ADGRL3: variants seen among roughly 807,000 people sequenced by gnomAD.
ADGRL3 encodes the protein calcium-independent alpha-latrotoxin receptor 3.
Under a neutral mutation model 153.5 loss-of-function variants are expected in ADGRL3, and 62 were observed. The ratio of observed to expected loss-of-function variants is 0.40; its 90% CI spans 0.33 to 0.50. ADGRL3 has a LOEUF of 0.50. Among genes scored for constraint, ADGRL3 ranks in the 20% least tolerant of loss-of-function variants. The pLI is 0.47. For missense variants in ADGRL3, 1,641 were observed against 1,859.4 expected (o/e 0.88, Z 2.16); for synonymous variants, 710 against 672.5 (o/e 1.06, Z -0.86).
chr4:62,062,610 G>T (rs1306216457), intron 25 of ADGRL3, among the ~76,000 whole-genome samples: 3 of 151,878 alleles, frequency 2.0e-5, no homozygotes, highest in African/African-American at 7.3e-5. Flanking sequence ...CTTCTCCTCT[G>T]ATCTTTGCTT....
intron 1 of ADGRL3, among the ~76,000 whole-genome samples, chr4:61,219,566 ATAG>A (rs1378454315): frequency 6.6e-6 from 1 of 152,218 alleles, no homozygotes; most frequent in Non-Finnish European, 1.5e-5. Flanking sequence ...TGAAAAGAGA[ATAG>A]TACATTTTTC....
intron 1 of ADGRL3, among the ~76,000 whole-genome samples, chr4:61,209,991 T>A (rs971482520): frequency 6.6e-6 from 1 of 152,198 alleles, no homozygotes; most frequent in Non-Finnish European, 1.5e-5. Flanking sequence ...GAGATAAACC[T>A]ATAAAATTCA....
chr4:61,935,773 C>A, intron 14 of ADGRL3, 150 bp from the exon 15 acceptor site: 1 of 704,938 alleles, frequency 1.4e-6, no homozygotes, highest in Non-Finnish European at 2.2e-6. Flanking sequence ...AAAATACTAA[C>A]AATATATTTT....
chr4:61,791,607 A>G (rs1378320580), intron 8 of ADGRL3, among the ~76,000 whole-genome samples: 2 of 152,200 alleles, frequency 1.3e-5, no homozygotes, highest in Non-Finnish European at 2.9e-5. Flanking sequence ...CTCTTCTCAC[A>G]GCTCCACTAG....
intron 1 of ADGRL3, among the ~76,000 whole-genome samples, chr4:61,316,268 C>T (rs1002029929): frequency 6.6e-6 from 1 of 152,020 alleles, no homozygotes; most frequent in East Asian, 1.9e-4. Flanking sequence ...CTGAAACAAA[C>T]AAATTGGGCT....
At chr4:61,618,997 C>T (rs998284136) in intron 5 of ADGRL3, among the ~76,000 whole-genome samples, 1 of 152,168 alleles carries the variant, frequency 6.6e-6, no homozygotes, top group Non-Finnish European at 1.5e-5. Flanking sequence ...GGATTACAGG[C>T]ATGAGCCACC....
intron 2 of ADGRL3, among the ~76,000 whole-genome samples, chr4:61,494,354 A>G (rs1033804152): frequency 6.6e-6 from 1 of 152,120 alleles, no homozygotes; most frequent in Admixed American, 6.5e-5. Context: ...CGTATACTCC[A>G]TGGTCACAGA....
intron 1 of ADGRL3, among the ~76,000 whole-genome samples, chr4:61,302,641 G>A (rs1343137552): frequency 6.6e-6 from 1 of 151,712 alleles, no homozygotes; most frequent in Non-Finnish European, 1.5e-5. Flanking sequence ...TTTTCATTAT[G>A]CATATTAATA....
chr4:61,453,599 C>A (rs1009185620), intron 2 of ADGRL3, among the ~76,000 whole-genome samples: 4 of 152,030 alleles, frequency 2.6e-5, no homozygotes, highest in Admixed American at 2.0e-4. Flanking sequence ...ATATTGCTTT[C>A]CCCTTATCTA....
chr4:61,405,937 C>T (rs748176257), intron 2 of ADGRL3, among the ~76,000 whole-genome samples: 14 of 151,944 alleles, frequency 9.2e-5, no homozygotes, highest in Non-Finnish European at 2.1e-4. Flanking sequence ...CTTATAGTTA[C>T]ATTATACTTT....
At chr4:61,624,157 C>T (rs1406244252) in intron 5 of ADGRL3, among the ~76,000 whole-genome samples, 1 of 151,942 alleles carries the variant, frequency 6.6e-6, no homozygotes, top group Admixed American at 6.6e-5. Flanking sequence ...ACAGCCTATT[C>T]AATTTTCATT....
At chr4:61,786,669 G>A (rs1368645138) in intron 8 of ADGRL3, among the ~76,000 whole-genome samples, 1 of 152,104 alleles carries the variant, frequency 6.6e-6, no homozygotes, top group Non-Finnish European at 1.5e-5. Flanking sequence ...GAAAGGATAA[G>A]CAATGTGTTA....
At chr4:61,808,424 C>G (rs2097573859) in intron 8 of ADGRL3, among the ~76,000 whole-genome samples, 1 of 152,066 alleles carries the variant, frequency 6.6e-6, no homozygotes, top group Non-Finnish European at 1.5e-5. Flanking sequence ...TCGGATAAGT[C>G]AAGCATATAG....
chr4:61,398,446 T>C (rs1040257149), intron 2 of ADGRL3, among the ~76,000 whole-genome samples: 1 of 151,476 alleles, frequency 6.6e-6, no homozygotes, highest in Non-Finnish European at 1.5e-5. Context: ...TTTTTTCTTA[T>C]GTCTATTAAT....
intron 2 of ADGRL3, among the ~76,000 whole-genome samples, chr4:61,404,054 C>G (rs930767229): frequency 6.6e-6 from 1 of 151,960 alleles, no homozygotes; most frequent in South Asian, 2.1e-4. Flanking sequence ...GGATACCATT[C>G]AGTCTATAAT....
At chr4:61,804,951 TTTTA>T (rs1460720601) in intron 8 of ADGRL3, among the ~76,000 whole-genome samples, 5 of 146,846 alleles carry the variant, frequency 3.4e-5, no homozygotes, top group African/African-American at 1.3e-4. Flanking sequence ...ATTTATTTAT[TTTTA>T]TTTATTTATT....
At chr4:61,238,052 T>G (rs1452449646) in intron 1 of ADGRL3, among the ~76,000 whole-genome samples, 1 of 152,188 alleles carries the variant, frequency 6.6e-6, no homozygotes, top group Non-Finnish European at 1.5e-5. Context: ...TCAAACTGAT[T>G]AATGTCTTCA....
At chr4:61,494,082 G>GTTTT (rs200811187) in intron 2 of ADGRL3, among the ~76,000 whole-genome samples, 3 of 130,192 alleles carry the variant, frequency 2.3e-5, no homozygotes, top group African/African-American at 2.8e-5. Flanking sequence ...ACTGTGTCCT[G>GTTTT]TTTTTTTTTT....
intron 1 of ADGRL3, among the ~76,000 whole-genome samples, chr4:61,286,789 G>A (rs2093957467): frequency 6.6e-6 from 1 of 150,994 alleles, no homozygotes; most frequent in Non-Finnish European, 1.5e-5. Flanking sequence ...ATGAGAAAGG[G>A]GACCACACAC....
Sources: gnomAD v4.1 joint callset for allele counts (sites outside exome capture counted in the v4.1 genomes callset) on GRCh38, gnomAD v4.1.1 for gene constraint, MANE v1.5 for transcripts, NCBI Gene and HGNC (gene_info 2026-07-23, HGNC 2026-07-21) for gene names.